PEAK1: variants seen among roughly 807,000 people sequenced by gnomAD.
PEAK1 encodes the protein pseudopodium enriched atypical kinase 1, also known as inactive tyrosine-protein kinase PEAK1.
Under a neutral mutation model 124.7 loss-of-function variants are expected in PEAK1, and 54 were observed. The observed-to-expected ratio is 0.43, with a 90% CI of 0.35 to 0.54. The LOEUF is 0.54. Ranked by LOEUF, PEAK1 falls within the 20% of genes least tolerant of loss-of-function variation. The probability of loss-of-function intolerance (pLI) is 0.01; values close to 1 mark genes in which losing one functional copy is unlikely to be tolerated. For synonymous variants in PEAK1, 719 were observed against 760.0 expected (o/e 0.95, Z 0.89); for missense variants, 2,046 against 2,134.5 (o/e 0.96, Z 0.82).
intron 6 of PEAK1, among the ~76,000 whole-genome samples, chr15:77,224,373 C>T (rs2059534533): frequency 6.6e-6 from 1 of 151,924 alleles, no homozygotes. Context: ...TCTTAATTAT[C>T]TGGTTTTTAC....
intron 6 of PEAK1, among the ~76,000 whole-genome samples, chr15:77,230,838 A>C (rs2059881708): frequency 6.6e-6 from 1 of 152,132 alleles, no homozygotes; most frequent in South Asian, 2.1e-4. Context: ...GTCTCAAACA[A>C]GACAAAACAA....
rs1596502586 is a variant in PEAK1 at position 77,181,817 on chromosome 15, G to A, written c.110C>T (p.Pro37Leu). ...AGTTTTCACATTGCCATGGGTGATGGGTGCCTTCTCAGGGTCTGGGGGAAG... is the reference window on the plus strand; with the variant it reads ...AGTTTTCACATTGCCATGGGTGATGAGTGCCTTCTCAGGGTCTGGGGGAAG... ...HQLPPDPEKA[P>L]ITHGNVKTNA... Residue 37 changes from proline to leucine, a missense_variant, in exon 7 of 10, where the codon CCC becomes CTC. Coordinates refer to ENST00000682557, the MANE Select transcript of PEAK1 (RefSeq NM_001385026.1). The A allele has an allele frequency of 1.9e-6, 3 of 1,614,026 alleles. No individual in the cohort carries two copies. Among genetic ancestry groups the A allele is most frequent in the Middle Eastern group, 1.7e-4 (1 of 6,058 alleles).
rs867289954 is a variant in PEAK1, at chr15:77,113,418, A to C, written c.*738T>G. 1.3e-5 allele frequency: 2 copies of C among 152,496 alleles called. No individual in the cohort carries two copies. The highest frequency in any genetic ancestry group is 4.8e-5 in the African/African-American group (2 of 41,476). 9.4% of individuals were successfully genotyped at this position (152,496 alleles called of 1,614,324 possible). The stretch of plus-strand genomic sequence containing the variant: ...CCTTGGGTCAGCTCTGTAATGGGCC[A>C]CAAGTGGCTGATAAATCCAAACTTC... On this transcript the variant is annotated 3_prime_UTR_variant, in exon 10 of 10. Coordinates refer to ENST00000682557, the MANE Select transcript of PEAK1 (RefSeq NM_001385026.1).
At chr15:77,362,851 TTTTA>T (rs1215322976) in intron 2 of PEAK1, among the ~76,000 whole-genome samples, 3 of 152,120 alleles carry the variant, frequency 2.0e-5, no homozygotes, top group Admixed American at 2.0e-4. Context: ...TGACTTTTTA[TTTTA>T]TTTATTTATT....
chr15:77,261,066 C>T (rs2061414022), intron 5 of PEAK1, among the ~76,000 whole-genome samples: 1 of 152,196 alleles, frequency 6.6e-6, no homozygotes, highest in Admixed American at 6.5e-5. Context: ...AGGGTCCTGA[C>T]TGTTAGAAGG....
chr15:77,277,841 A>G (rs1373912167), intron 5 of PEAK1, among the ~76,000 whole-genome samples: 2 of 152,172 alleles, frequency 1.3e-5, no homozygotes, highest in Admixed American at 6.5e-5. Context: ...GTGGGTTGCC[A>G]GGGGCTGGAG....
chr15:77,323,475 C>T (rs1358632852), intron 2 of PEAK1, among the ~76,000 whole-genome samples: 1 of 152,170 alleles, frequency 6.6e-6, no homozygotes, highest in African/African-American at 2.4e-5. Context: ...CACAAGCATT[C>T]TTATACACCA....
At chr15:77,197,224 A>G (rs1194337892) in intron 6 of PEAK1, among the ~76,000 whole-genome samples, 1 of 152,178 alleles carries the variant, frequency 6.6e-6, no homozygotes, top group Non-Finnish European at 1.5e-5. Flanking sequence ...GATATTGCTT[A>G]AAATGAGAAT....
chr15:77,355,850 C>G (rs1781319893), intron 2 of PEAK1: 1 of 985,144 alleles, frequency 1.0e-6, no homozygotes, highest in African/African-American at 1.7e-5. Flanking sequence ...CCCAGAATAT[C>G]AGCCCTGGAA....
rs200543732 is a variant in PEAK1, at chr15:77,313,631, AATGT to A, written c.-602-27131_-602-27128del. ...ACAGGCATGCACCACCATGCCCAGT[AATGT>A]ATGTATGTATGTATGTATGTGTGTG... On this transcript the variant is annotated intron_variant, in intron 2 of 9. Transcript: ENST00000682557. 4.2e-3 allele frequency among the ~76,000 whole-genome samples: 516 copies of A among 124,196 alleles called. 8 individuals carry two copies. The highest frequency in any genetic ancestry group is 8.7e-3 in the African/African-American group (255 of 29,222). The allele number at this position is 124,196 out of a possible 152,430, so 81.5% of individuals were successfully genotyped here.
Position 77,372,588 on chromosome 15 carries a change from C to A in PEAK1, c.-665-7363G>T, listed in dbSNP as rs141000808. Among the ~76,000 whole-genome samples, 14 of 152,274 alleles carry A rather than the reference C, an allele frequency of 9.2e-5. No individual in the cohort carries two copies. The East Asian group carries it at 2.7e-3, about 29-fold the overall frequency. On this transcript the variant is annotated intron_variant, in intron 1 of 9. Coordinates refer to ENST00000682557, the MANE Select transcript of PEAK1 (RefSeq NM_001385026.1). ...GTATAGCCCTGAACTATAACAAATT[C>A]CTATTCTACCTTTCCCTGTATCTAA...
Position 77,114,365 on chromosome 15 carries a change from A to G in PEAK1, c.5032T>C (p.Phe1678Leu), listed in dbSNP as rs1181539896. The change falls in exon 10 of 10, where the codon TTC becomes CTC. Residue 1678 changes from phenylalanine to leucine, a missense_variant. Coordinates refer to ENST00000682557, the MANE Select transcript of PEAK1 (RefSeq NM_001385026.1). ...TGTACTAGGCTAGGGCAGGCGGTGA[A>G]AGTCTGGAAGAGATCTTCGCGGGGG... ...WGPREDLFQT[F>L]TACPSLVQRN... The G allele has an allele frequency of 6.2e-7, 1 of 1,614,028 alleles. No homozygotes were observed. The highest frequency in any genetic ancestry group is 1.3e-5 in the African/African-American group (1 of 74,912).
chr15:77,192,143 TG>T (rs1454387098), intron 6 of PEAK1, among the ~76,000 whole-genome samples: 1 of 152,214 alleles, frequency 6.6e-6, no homozygotes, highest in Non-Finnish European at 1.5e-5. Context: ...TATGTAAACT[TG>T]ACTCTAAACC....
chr15:77,395,755 GACAA>G (rs985877095), intron 1 of PEAK1, among the ~76,000 whole-genome samples: 14 of 152,142 alleles, frequency 9.2e-5, no homozygotes, highest in Middle Eastern at 3.4e-3. Flanking sequence ...GGCTTTCCCA[GACAA>G]ACAAAAGTCA....
At chr15:77,264,670 C>T (rs1180047398) in intron 5 of PEAK1, among the ~76,000 whole-genome samples, 1 of 152,128 alleles carries the variant, frequency 6.6e-6, no homozygotes, top group Non-Finnish European at 1.5e-5. Context: ...GTGAAAATGG[C>T]CATACTGCCC....
chr15:77,259,053 G>C (rs2061312665), intron 5 of PEAK1, among the ~76,000 whole-genome samples: 1 of 152,124 alleles, frequency 6.6e-6, no homozygotes, highest in Admixed American at 6.5e-5. Flanking sequence ...TATTGAACCA[G>C]TCTATGGCTG....
chr15:77,399,745 T>C (rs565139851), intron 1 of PEAK1, among the ~76,000 whole-genome samples: 2 of 152,306 alleles, frequency 1.3e-5, no homozygotes, highest in East Asian at 3.9e-4. Context: ...CTCCAGGGCA[T>C]TGGACTGGGC....
rs765911851 is a variant in PEAK1, at chr15:77,284,020, A to T, written c.-412T>A. 1.0e-5 allele frequency: 10 copies of T among 985,144 alleles called. No individual in the cohort carries two copies. The South Asian group carries it at 4.7e-4, about 46-fold the overall frequency. 61.0% of individuals were successfully genotyped at this position (985,144 alleles called of 1,614,324 possible). On this transcript the variant is annotated 5_prime_UTR_variant, in exon 5 of 10. Coordinates refer to ENST00000682557, the MANE Select transcript of PEAK1 (RefSeq NM_001385026.1). ...AAAATGGTACTTCATTGAAGGATGT[A>T]ATTAGTCTCACTAAAGCAAGAAAAC...
At chr15:77,266,492 G>C (rs1051717179) in intron 5 of PEAK1, among the ~76,000 whole-genome samples, 11 of 152,030 alleles carry the variant, frequency 7.2e-5, no homozygotes, top group African/African-American at 2.7e-4. Flanking sequence ...CCCCCTGCCA[G>C]GATACTATTT....
Sources: allele counts gnomAD v4.1 joint callset (sites outside exome capture counted in the v4.1 genomes callset), GRCh38; gene constraint gnomAD v4.1.1; transcripts MANE v1.5; gene names NCBI Gene and HGNC (gene_info 2026-07-23, HGNC 2026-07-21).